Variants in GALNT2 observed in about 807,000 individuals in gnomAD.
GALNT2 encodes UDP-GalNAc:polypeptide N-acetylgalactosaminyltransferase 2.
In GALNT2, 31 loss-of-function variants were observed where a neutral mutation model predicts 81.4. The observed-to-expected ratio is 0.38, with a 90% confidence interval of 0.29 to 0.51. The LOEUF (loss-of-function observed/expected upper bound fraction) is 0.51. GALNT2 is among the 20% of genes least tolerant of loss of function. The pLI is 0.87. For missense variants in GALNT2, 629 were observed against 765.7 expected (o/e 0.82, Z 2.11); for synonymous variants, 303 against 287.4 (o/e 1.05, Z -0.55).
At chr1:230,180,567 A>G (rs1663129704) in intron 2 of GALNT2, among the ~76,000 whole-genome samples, 1 of 151,934 alleles carries the variant, frequency 6.6e-6, no homozygotes, top group Non-Finnish European at 1.5e-5. Context: ...GTTTTCTTTC[A>G]AGGTAGTTTT....
At chr1:230,236,821 T>G (rs1665048087) in intron 6 of GALNT2, 96 bp downstream of exon 6, 1 of 1,258,640 alleles carries the variant, frequency 7.9e-7, no homozygotes, top group Non-Finnish European at 1.1e-6. Context: ...CAATTAATTG[T>G]CTAGCTTTTT....
At chr1:230,138,008 G>A (rs917758981) in intron 1 of GALNT2, among the ~76,000 whole-genome samples, 2 of 152,056 alleles carry the variant, frequency 1.3e-5, no homozygotes, top group Non-Finnish European at 2.9e-5. Flanking sequence ...TTTTCTCCTT[G>A]GAATTTGTTC....
intron 1 of GALNT2, among the ~76,000 whole-genome samples, chr1:230,104,243 C>A (rs1490739158): frequency 6.6e-6 from 1 of 152,068 alleles, no homozygotes; most frequent in Non-Finnish European, 1.5e-5. Context: ...ATAGAGCTCC[C>A]CGAACAGGGT....
intron 1 of GALNT2, among the ~76,000 whole-genome samples, chr1:230,145,955 G>C (rs143883359): frequency 6.6e-6 from 1 of 152,240 alleles, no homozygotes; most frequent in South Asian, 2.1e-4. Context: ...GAGAGAAGAC[G>C]TTGGTCCACT....
chr1:230,158,030 G>A (rs11122446), intron 1 of GALNT2, among the ~76,000 whole-genome samples: 61,608 of 151,968 alleles, frequency 0.41, 15,752 homozygotes, highest in East Asian at 0.76. Context: ...AGGGAAGTGA[G>A]AAGGATCTTG....
chr1:230,231,367 A>G (rs1664859814), intron 3 of GALNT2, among the ~76,000 whole-genome samples: 1 of 152,200 alleles, frequency 6.6e-6, no homozygotes, highest in South Asian at 2.1e-4. Context: ...AAGGTTACCA[A>G]GGGCCCTTTG....
Position 230,206,606 on chromosome 1 carries a change from G to C in GALNT2, c.374+3316G>C, listed in dbSNP as rs114872541. Among the ~76,000 whole-genome samples, 1,017 of 152,302 alleles carry C rather than the reference G, an allele frequency of 6.7e-3. 8 individuals carry two copies. The highest frequency in any genetic ancestry group is 0.01 in the Non-Finnish European group (707 of 68,020). On this transcript the variant is annotated intron_variant, in intron 3 of 15. Transcript: ENST00000366672. Reference sequence around the variant, plus strand: ...TTTCTCTCCCAATATATCTAATGGGGAGCTATTTCAGAATTTGACCTTTCT... The same window carrying C: ...TTTCTCTCCCAATATATCTAATGGGCAGCTATTTCAGAATTTGACCTTTCT...
chr1:230,215,625 G>A (rs760461259), intron 3 of GALNT2, among the ~76,000 whole-genome samples: 1 of 152,174 alleles, frequency 6.6e-6, no homozygotes, highest in African/African-American at 2.4e-5. Flanking sequence ...TGTCTATCTC[G>A]AAGGAGAGTA....
intron 3 of GALNT2, among the ~76,000 whole-genome samples, chr1:230,210,704 T>C (rs1664207601): frequency 6.6e-6 from 1 of 152,218 alleles, no homozygotes; most frequent in African/African-American, 2.4e-5. Context: ...TGTCTGCCTT[T>C]AACACAGCCA....
At chr1:230,082,149 A>G (rs1398958495) in intron 1 of GALNT2, among the ~76,000 whole-genome samples, 1 of 152,118 alleles carries the variant, frequency 6.6e-6, no homozygotes, top group Admixed American at 6.5e-5. Context: ...AGGCTTTTCC[A>G]TCCTTCTTCT....
At chr1:230,198,160 C>T (rs1462385535) in intron 2 of GALNT2, among the ~76,000 whole-genome samples, 1 of 152,170 alleles carries the variant, frequency 6.6e-6, no homozygotes, top group Admixed American at 6.5e-5. Context: ...CGACCCAGGA[C>T]GAGACCCTCA....
chr1:230,246,190 T>C, intron 8 of GALNT2, 40 bp downstream of exon 8: 1 of 1,415,020 alleles, frequency 7.1e-7, no homozygotes, highest in Non-Finnish European at 1.0e-6. Flanking sequence ...GCTCGTCCCG[T>C]CTACACCAGC....
chr1:230,272,165 T>C (rs1057170923), intron 14 of GALNT2, among the ~76,000 whole-genome samples: 1 of 152,212 alleles, frequency 6.6e-6, no homozygotes, highest in Non-Finnish European at 1.5e-5. Flanking sequence ...ATTTTTATGA[T>C]GTCACACTGT....
chr1:230,256,704 T>C (rs547023094), intron 11 of GALNT2, among the ~76,000 whole-genome samples: 1 of 152,294 alleles, frequency 6.6e-6, no homozygotes, highest in African/African-American at 2.4e-5. Flanking sequence ...AAGCCAAGTG[T>C]CCTTCTAGGG....
At chr1:230,110,676 G>C (rs577686690) in intron 1 of GALNT2, among the ~76,000 whole-genome samples, 1 of 149,502 alleles carries the variant, frequency 6.7e-6, no homozygotes, top group Non-Finnish European at 1.5e-5. Context: ...CTTTTTCTAT[G>C]CCTAAGCCTT....
At chr1:230,058,968 C>A (rs1481706212) in intron 1 of GALNT2, among the ~76,000 whole-genome samples, 1 of 152,164 alleles carries the variant, frequency 6.6e-6, no homozygotes, top group East Asian at 1.9e-4. Flanking sequence ...TAGAAATGTG[C>A]TTTCAGTTTG....
At chr1:230,252,843 C>CTTTTTT (rs58544942) in intron 10 of GALNT2, among the ~76,000 whole-genome samples, 959 of 78,864 alleles carry the variant, frequency 0.012, 147 homozygotes, top group African/African-American at 0.042. Flanking sequence ...GAGACAACTT[C>CTTTTTT]TTTTTTTTTT....
At chr1:230,066,251 C>T (rs184194882), upstream of GALNT2, among the ~76,000 whole-genome samples, 2 of 152,326 alleles carry the variant, frequency 1.3e-5, no homozygotes, top group Non-Finnish European at 2.9e-5. Context: ...TTCTTAGGAA[C>T]ACTGGAAGCT....
At chr1:230,085,343 G>A (rs1000039982) in intron 1 of GALNT2, among the ~76,000 whole-genome samples, 1 of 152,150 alleles carries the variant, frequency 6.6e-6, no homozygotes, top group Non-Finnish European at 1.5e-5. Flanking sequence ...ATCCTGTCCC[G>A]TGGAACACTG....
Sources: allele counts gnomAD v4.1 joint callset (sites outside exome capture counted in the v4.1 genomes callset), GRCh38; gene constraint gnomAD v4.1.1; transcripts MANE v1.5; gene names NCBI Gene and HGNC (gene_info 2026-07-23, HGNC 2026-07-21).